Variants in EPHA3 observed in about 807,000 individuals in gnomAD.
The protein encoded by EPHA3 is ephrin type-A receptor 3.
A neutral mutation model predicts 107.1 loss-of-function variants in EPHA3; 42 were observed. The ratio of observed to expected loss-of-function variants is 0.39; its 90% CI spans 0.31 to 0.51. EPHA3 has a LOEUF of 0.51. EPHA3 is among the 20% of genes least tolerant of loss of function. The pLI is 0.78. For synonymous variants in EPHA3, 461 were observed against 424.8 expected (o/e 1.09, Z -1.05); for missense variants, 1,183 against 1,211.2 (o/e 0.98, Z 0.35).
At position 89,431,278 on chromosome 3, in the gene EPHA3, C is replaced by G. The variant is rs2107537135; in HGVS notation, c.2265C>G (p.Asn755Lys). ...RDLAARNILI[N>K]SNLVCKVSDF... ...TCGCTGCTCGGAACATCTTGATCAA[C>G]AGTAACTTGGTGTGTAAGGTTTCTG... Residue 755 changes from asparagine (N) to lysine (K), a missense_variant, in exon 13 of 17, where the codon AAC becomes AAG. Physicochemically the swap from Asn to Lys is moderately conservative, Grantham distance 94 (BLOSUM62 0). Transcript: ENST00000336596. The G allele has an allele frequency of 6.2e-7, 1 of 1,613,646 alleles. No individual in the cohort carries two copies. Among genetic ancestry groups the G allele is most frequent in the Non-Finnish European group, 8.5e-7 (1 of 1,179,900 alleles).
At chr3:89,405,654 G>T (rs1229320740) in intron 7 of EPHA3, among the ~76,000 whole-genome samples, 1 of 152,102 alleles carries the variant, frequency 6.6e-6, no homozygotes, top group Non-Finnish European at 1.5e-5. Context: ...TCCAAACTTA[G>T]ATTTGTTCAG....
chr3:89,335,679 A>C (rs1707377038), intron 3 of EPHA3, among the ~76,000 whole-genome samples: 1 of 152,176 alleles, frequency 6.6e-6, no homozygotes, highest in Admixed American at 6.5e-5. Flanking sequence ...TAAAGATAAG[A>C]GTTCCTGCCA....
chr3:89,149,571 TG>T (rs1178606633), intron 2 of EPHA3, among the ~76,000 whole-genome samples: 25 of 151,920 alleles, frequency 1.6e-4, no homozygotes, highest in Admixed American at 1.6e-3. Flanking sequence ...TGCCATGTTG[TG>T]TGCTGCACCC....
chr3:89,350,165 C>A (rs1707774943), intron 5 of EPHA3, among the ~76,000 whole-genome samples: 1 of 150,674 alleles, frequency 6.6e-6, no homozygotes, highest in South Asian at 2.1e-4. Context: ...CGTTGGCCTG[C>A]CTTGCTAGAT....
At chr3:89,230,410 A>G (rs1165633484) in intron 3 of EPHA3, among the ~76,000 whole-genome samples, 1 of 152,254 alleles carries the variant, frequency 6.6e-6, no homozygotes, top group South Asian at 2.1e-4. Context: ...TTGGAAGTAC[A>G]TGGTTCAGGC....
chr3:89,383,269 T>G (rs1239312734), intron 5 of EPHA3, among the ~76,000 whole-genome samples: 1 of 152,142 alleles, frequency 6.6e-6, no homozygotes, highest in East Asian at 1.9e-4. Flanking sequence ...GCATTTCGTT[T>G]TACTCCTTTC....
intron 15 of EPHA3, among the ~76,000 whole-genome samples, chr3:89,468,289 T>TG (rs1446619531): frequency 6.6e-6 from 1 of 151,954 alleles, no homozygotes; most frequent in African/African-American, 2.4e-5. Flanking sequence ...TTGATCCAAG[T>TG]CATAAACAGA....
rs1346954115 is a variant in EPHA3 at position 89,399,446 on chromosome 3, C to T, written c.1560C>T (p.Asn520=). The T allele has an allele frequency of 6.2e-7, 1 of 1,614,108 alleles. No homozygotes were observed. The highest frequency in any genetic ancestry group is 1.7e-4 in the Middle Eastern group (1 of 6,060). The stretch of plus-strand genomic sequence containing the variant: ...GAACAGCCGCTGGATATGGGACGAA[C>T]AGCCGCAAGTTTGAGTTTGAAACTA... ...RARTAAGYGT[N]SRKFEFETSP... The change falls in exon 7 of 17, where the codon AAC becomes AAT. Residue 520 remains asparagine (N), a synonymous_variant. Transcript: ENST00000336596.
intron 2 of EPHA3, among the ~76,000 whole-genome samples, chr3:89,168,335 T>C (rs1267374051): frequency 6.6e-6 from 1 of 152,138 alleles, no homozygotes; most frequent in African/African-American, 2.4e-5. Flanking sequence ...ACAACTGTGG[T>C]ATTTTGTTAT....
At chr3:89,436,288 C>G (rs1709668797) in intron 13 of EPHA3, among the ~76,000 whole-genome samples, 1 of 152,126 alleles carries the variant, frequency 6.6e-6, no homozygotes, top group South Asian at 2.1e-4. Flanking sequence ...ATTGTTATTT[C>G]AGAAAAACAA....
intron 13 of EPHA3, among the ~76,000 whole-genome samples, chr3:89,441,951 T>G (rs1252581147): frequency 6.6e-6 from 1 of 151,796 alleles, no homozygotes; most frequent in Non-Finnish European, 1.5e-5. Flanking sequence ...CTCTTATTCG[T>G]GTCTCTCTAT....
chr3:89,294,160 T>C (rs982983124), intron 3 of EPHA3, among the ~76,000 whole-genome samples: 1 of 152,178 alleles, frequency 6.6e-6, no homozygotes, highest in African/African-American at 2.4e-5. Flanking sequence ...TGTTTTCTTC[T>C]ACAAATTTTA....
intron 16 of EPHA3, among the ~76,000 whole-genome samples, chr3:89,474,861 GTTA>G (rs1393952752): frequency 2.0e-5 from 3 of 152,128 alleles, no homozygotes; most frequent in African/African-American, 7.2e-5. Flanking sequence ...TTACTTAATT[GTTA>G]TTATTATTTG....
At chr3:89,205,551 A>G (rs1282296575) in intron 2 of EPHA3, among the ~76,000 whole-genome samples, 1 of 152,188 alleles carries the variant, frequency 6.6e-6, no homozygotes, top group African/African-American at 2.4e-5. Flanking sequence ...AGATGAAAAT[A>G]CAAGGAACCC....
At chr3:89,404,948 T>C (rs1709029691) in intron 7 of EPHA3, among the ~76,000 whole-genome samples, 1 of 152,110 alleles carries the variant, frequency 6.6e-6, no homozygotes, top group Non-Finnish European at 1.5e-5. Context: ...ATTTTTGAAA[T>C]ATTGGATTAA....
chr3:89,416,262 G>T (rs1235708918), intron 10 of EPHA3, among the ~76,000 whole-genome samples: 1 of 151,184 alleles, frequency 6.6e-6, no homozygotes, highest in Non-Finnish European at 1.5e-5. Flanking sequence ...AAATAAAATT[G>T]CCGCACTTAT....
intron 3 of EPHA3, among the ~76,000 whole-genome samples, chr3:89,337,418 G>A (rs1045671801): frequency 2.6e-5 from 4 of 152,168 alleles, no homozygotes; most frequent in Admixed American, 6.5e-5. Flanking sequence ...TACACAGACT[G>A]ATACCTACAC....
At chr3:89,382,828 T>C (rs1395713427) in intron 5 of EPHA3, among the ~76,000 whole-genome samples, 1 of 152,146 alleles carries the variant, frequency 6.6e-6, no homozygotes, top group Non-Finnish European at 1.5e-5. Flanking sequence ...ATTGGTTAGT[T>C]TGCACATGAA....
chr3:89,210,601 A>C, intron 3 of EPHA3, 81 bp downstream of exon 3: 1 of 1,413,162 alleles, frequency 7.1e-7, no homozygotes, highest in Non-Finnish European at 9.5e-7. Flanking sequence ...AAATGCACTC[A>C]GTCTCAACTC....
Sources: gnomAD v4.1 joint callset for allele counts (sites outside exome capture counted in the v4.1 genomes callset) on GRCh38, gnomAD v4.1.1 for gene constraint, MANE v1.5 for transcripts, NCBI Gene and HGNC (gene_info 2026-07-23, HGNC 2026-07-21) for gene names.